The following BIRC6 variants were observed in gnomAD, a reference collection of about 807,000 sequenced individuals.
The protein encoded by BIRC6 is dual E2 ubiquitin-conjugating enzyme/E3 ubiquitin-protein ligase BIRC6.
Under a neutral mutation model 503.3 loss-of-function variants are expected in BIRC6, and 98 were observed. That is an observed-to-expected ratio of 0.19 (90% CI 0.17 to 0.23). The LOEUF (loss-of-function observed/expected upper bound fraction) is 0.23, where lower values mean the gene tolerates loss of function less well. Among genes scored for constraint, BIRC6 ranks in the 10% least tolerant of loss-of-function variants. The pLI is 1.00. For synonymous variants in BIRC6, 2,240 were observed against 2,078.7 expected (o/e 1.08, Z -2.11); for missense variants, 5,360 against 5,806.0 (o/e 0.92, Z 2.50).
intron 21 of BIRC6, among the ~76,000 whole-genome samples, chr2:32,447,364 G>C (rs1417166484): frequency 6.6e-6 from 1 of 150,860 alleles, no homozygotes; most frequent in Non-Finnish European, 1.5e-5. Context: ...CGGATGGGGC[G>C]GCTGGCCGGG....
intron 22 of BIRC6, 104 bp downstream of exon 22, chr2:32,449,032 C>T (rs1384144459): frequency 7.3e-6 from 8 of 1,095,688 alleles, no homozygotes; most frequent in Non-Finnish European, 1.0e-5. Flanking sequence ...CTTTAGAAAA[C>T]TAAAATTCCT....
Position 32,468,703 on chromosome 2 carries a change from A to G in BIRC6, c.6047A>G (p.Gln2016Arg), listed in dbSNP as rs1228404117. The change falls in exon 29 of 74, where the codon CAG becomes CGG. Residue 2016 changes from glutamine to arginine, a missense_variant. Coordinates refer to ENST00000421745, the MANE Select transcript of BIRC6 (RefSeq NM_016252.4). Reference protein sequence around the residue: ...SETSNPEDLIQTSSTEQLRTI... With the variant: ...SETSNPEDLIRTSSTEQLRTI... ...ACATCAAATCCAGAAGATTTAATTC[A>G]GACATCTTCCACAGAGCAGTTACGT... The G allele has an allele frequency of 6.2e-7, 1 of 1,613,946 alleles. No homozygotes were observed. Among genetic ancestry groups the G allele is most frequent in the South Asian group, 1.1e-5 (1 of 91,084 alleles).
At chr2:32,511,131 C>G (rs1469806066) in intron 53 of BIRC6, among the ~76,000 whole-genome samples, 1 of 145,480 alleles carries the variant, frequency 6.9e-6, no homozygotes, top group Non-Finnish European at 1.5e-5. Flanking sequence ...CAGAATGAAA[C>G]AATATCATAA....
intron 14 of BIRC6, among the ~76,000 whole-genome samples, 194 bp downstream of exon 14, chr2:32,435,779 G>A (rs1461630739): frequency 6.6e-6 from 1 of 152,194 alleles, no homozygotes; most frequent in Non-Finnish European, 1.5e-5. Context: ...CTGCGCTAAT[G>A]CATTCTTGGT....
chr2:32,586,469 G>A (rs910310580), intron 66 of BIRC6, among the ~76,000 whole-genome samples: 3 of 102,322 alleles, frequency 2.9e-5, no homozygotes, highest in Non-Finnish European at 5.3e-5. Context: ...GTTAAACTCT[G>A]TCACCCAGGC....
chr2:32,519,556 C>T (rs1352036761), intron 57 of BIRC6, among the ~76,000 whole-genome samples: 3 of 152,076 alleles, frequency 2.0e-5, no homozygotes, highest in Admixed American at 2.0e-4. Context: ...CACTCTGTCA[C>T]CCAGGCTGAA....
At chr2:32,608,125 A>G (rs1226102973) in intron 72 of BIRC6, among the ~76,000 whole-genome samples, 1 of 149,846 alleles carries the variant, frequency 6.7e-6, no homozygotes, top group Admixed American at 6.7e-5. Flanking sequence ...GCAAGACCCC[A>G]TCTCTGCAAA....
chr2:32,359,957 T>A (rs1395552266), intron 1 of BIRC6, among the ~76,000 whole-genome samples: 1 of 152,172 alleles, frequency 6.6e-6, no homozygotes, highest in Non-Finnish European at 1.5e-5. Flanking sequence ...TGCTGCATTT[T>A]ATGTTTTACT....
At chr2:32,403,964 G>A (rs1184987018) in intron 8 of BIRC6, among the ~76,000 whole-genome samples, 4 of 143,924 alleles carry the variant, frequency 2.8e-5, no homozygotes, top group Admixed American at 7.2e-5. Context: ...GTCTCACCCT[G>A]TCGCCCAGGT....
chr2:32,432,973 TGTGATA>T, intron 12 of BIRC6, among the ~76,000 whole-genome samples: 1 of 152,080 alleles, frequency 6.6e-6, no homozygotes. Flanking sequence ...CTTGGACCAT[TGTGATA>T]GTGATGGAGG....
At chr2:32,603,192 A>T in intron 71 of BIRC6, 109 bp downstream of exon 71, 1 of 727,766 alleles carries the variant, frequency 1.4e-6, no homozygotes, top group Non-Finnish European at 2.2e-6. Flanking sequence ...AAAAAGATAG[A>T]TTACTAGGAA....
rs2044661675 is a variant in BIRC6, at chr2:32,436,048, T to C, written c.3500-5T>C. ...TAAAAGAAAAATATGTATTTTTCTT[T>C]TTAGGTCTTAGATTATGTCCATTTT... On this transcript the variant is annotated splice_polypyrimidine_tract_variant and splice_region_variant and intron_variant, in intron 14 of 73. Coordinates refer to ENST00000421745, the MANE Select transcript of BIRC6 (RefSeq NM_016252.4). 1 of 1,382,290 alleles carries C rather than the reference T, an allele frequency of 7.2e-7. No homozygotes were observed. The highest frequency in any genetic ancestry group is 9.5e-7 in the Non-Finnish European group (1 of 1,049,160). 85.6% of individuals were successfully genotyped at this position (1,382,290 alleles called of 1,614,324 possible).
At chr2:32,459,443 C>T (rs183640911) in intron 23 of BIRC6, among the ~76,000 whole-genome samples, 11 of 152,080 alleles carry the variant, frequency 7.2e-5, no homozygotes, top group African/African-American at 2.7e-4. Context: ...TGTGTGTTTT[C>T]AGTTCTCTTG....
intron 72 of BIRC6, among the ~76,000 whole-genome samples, chr2:32,609,637 T>C (rs1266470513): frequency 6.6e-6 from 1 of 152,128 alleles, no homozygotes; most frequent in East Asian, 1.9e-4. Context: ...CTTTTGCTGT[T>C]ACTGAGTAAA....
At chr2:32,386,107 G>A (rs919065881) in intron 3 of BIRC6, among the ~76,000 whole-genome samples, 1 of 152,182 alleles carries the variant, frequency 6.6e-6, no homozygotes, top group African/African-American at 2.4e-5. Flanking sequence ...TTGATCTGCA[G>A]GATGTTAGGA....
At position 32,357,311 on chromosome 2, in the gene BIRC6, C is replaced by T. The variant is rs896421511; in HGVS notation, c.150C>T (p.Ala50=). The T allele has an allele frequency of 1.0e-5, 16 of 1,528,032 alleles. No individual in the cohort carries two copies. Among genetic ancestry groups the T allele is most frequent in the Non-Finnish European group, 1.4e-5 (16 of 1,140,274 alleles). The allele number at this position is 1,528,032 out of a possible 1,614,324, so 94.7% of individuals were successfully genotyped here. ...CCTCGGCGGCGGGGGCGGGGGCGGC[C>T]GGGGTCTCAGAGTGGCTGGTGCTGC... The part of the protein sequence containing the change: ...GCSSAAGAGA[A]GVSEWLVLRD... The change falls in exon 1 of 74, where the codon GCC becomes GCT. Residue 50 remains alanine (A), a synonymous_variant. Coordinates refer to ENST00000421745, the MANE Select transcript of BIRC6 (RefSeq NM_016252.4). The surrounding 1 kb of genome is among the most constrained non-coding windows in gnomAD (Gnocchi z 4.9).
At chr2:32,598,138 C>CTT (rs1174449682) in intron 69 of BIRC6, among the ~76,000 whole-genome samples, 170 bp downstream of exon 69, 2 of 143,390 alleles carry the variant, frequency 1.4e-5, no homozygotes, top group African/African-American at 2.5e-5. Context: ...CCCTCCCCCC[C>CTT]TTTTTTTTTT....
At chr2:32,533,198 A>T (rs888842573) in intron 61 of BIRC6, among the ~76,000 whole-genome samples, 1 of 152,206 alleles carries the variant, frequency 6.6e-6, no homozygotes, top group Non-Finnish European at 1.5e-5. Context: ...ATGTTACCGG[A>T]ACCTGAAGGA....
intron 1 of BIRC6, among the ~76,000 whole-genome samples, chr2:32,373,965 A>G (rs767658467): frequency 6.6e-6 from 1 of 152,222 alleles, no homozygotes; most frequent in Non-Finnish European, 1.5e-5. Context: ...AAAATACTGT[A>G]TGATTCCTTC....
Sources: allele counts gnomAD v4.1 joint callset (sites outside exome capture counted in the v4.1 genomes callset), GRCh38; gene constraint gnomAD v4.1.1; non-coding constraint Gnocchi (gnomAD v3.1); transcripts MANE v1.5; gene names NCBI Gene and HGNC (gene_info 2026-07-23, HGNC 2026-07-21).